The following CCBE1 variants were observed in gnomAD, a reference collection of about 807,000 sequenced individuals.
CCBE1 encodes collagen and calcium binding EGF domains 1, also known as collagen and calcium-binding EGF domain-containing protein 1.
In CCBE1, 37 loss-of-function variants were observed where a neutral mutation model predicts 50.0. The ratio of observed to expected loss-of-function variants is 0.74; its 90% CI spans 0.57 to 0.97. The LOEUF (loss-of-function observed/expected upper bound fraction) is 0.97, where lower values mean the gene tolerates loss of function less well. Ranked by LOEUF, CCBE1 falls within the 50% of genes least tolerant of loss-of-function variation. The pLI is 0.00. For synonymous variants in CCBE1, 234 were observed against 203.7 expected (o/e 1.15, Z -1.27); for missense variants, 538 against 523.8 (o/e 1.03, Z -0.26).
At chr18:59,480,721 G>A (rs1383739697) in intron 2 of CCBE1, among the ~76,000 whole-genome samples, 1 of 151,152 alleles carries the variant, frequency 6.6e-6, no homozygotes, top group Non-Finnish European at 1.5e-5. Context: ...GACCAAGACT[G>A]GAACCCAAGC....
At chr18:59,601,375 A>G (rs1350066792) in intron 2 of CCBE1, among the ~76,000 whole-genome samples, 2 of 151,964 alleles carry the variant, frequency 1.3e-5, no homozygotes, top group Non-Finnish European at 2.9e-5. Flanking sequence ...AAGTCTCACG[A>G]GATCTGATGG....
At chr18:59,518,711 TC>T (rs1170447188) in intron 2 of CCBE1, among the ~76,000 whole-genome samples, 1 of 152,104 alleles carries the variant, frequency 6.6e-6, no homozygotes, top group Non-Finnish European at 1.5e-5. Context: ...CCCACCCACA[TC>T]CCCTCTGTCC....
intron 2 of CCBE1, among the ~76,000 whole-genome samples, chr18:59,615,814 A>T (rs1002525717): frequency 1.3e-5 from 2 of 152,340 alleles, no homozygotes. Context: ...AGAACAGTGC[A>T]CATGGTAGGC....
At chr18:59,568,794 T>C (rs1190952584) in intron 2 of CCBE1, among the ~76,000 whole-genome samples, 2 of 152,226 alleles carry the variant, frequency 1.3e-5, no homozygotes, top group Non-Finnish European at 2.9e-5. Flanking sequence ...TGGACACCTC[T>C]GCCCATCTGT....
intron 2 of CCBE1, among the ~76,000 whole-genome samples, chr18:59,660,725 G>A (rs9947696): frequency 2.6e-4 from 14 of 54,392 alleles, no homozygotes; most frequent in Admixed American, 1.5e-3. Flanking sequence ...AGCCCAACAC[G>A]TATTTTTTTT....
At chr18:59,587,730 T>C (rs2053198017) in intron 2 of CCBE1, among the ~76,000 whole-genome samples, 1 of 152,036 alleles carries the variant, frequency 6.6e-6, no homozygotes, top group East Asian at 1.9e-4. Flanking sequence ...AAAAGAAATA[T>C]GAAAGAAAAA....
chr18:59,623,954 TC>T (rs2053745130), intron 2 of CCBE1, among the ~76,000 whole-genome samples: 1 of 152,156 alleles, frequency 6.6e-6, no homozygotes, highest in South Asian at 2.1e-4. Context: ...TTAATCATGT[TC>T]CCCGGTGCAA....
intron 2 of CCBE1, among the ~76,000 whole-genome samples, chr18:59,548,912 G>A (rs544700316): frequency 2.0e-5 from 3 of 152,054 alleles, no homozygotes; most frequent in African/African-American, 4.8e-5. Flanking sequence ...AGACCAGCCT[G>A]GCCAACATGG....
chr18:59,592,493 C>CA (rs1473440767), intron 2 of CCBE1, among the ~76,000 whole-genome samples: 1 of 151,790 alleles, frequency 6.6e-6, no homozygotes, highest in East Asian at 1.9e-4. Context: ...TTTGCATCTG[C>CA]AAAAAAAGAA....
intron 2 of CCBE1, among the ~76,000 whole-genome samples, chr18:59,552,207 C>A (rs914396241): frequency 6.6e-6 from 1 of 152,188 alleles, no homozygotes; most frequent in African/African-American, 2.4e-5. Flanking sequence ...AGGCCCTGGA[C>A]CTCACACAAC....
intron 2 of CCBE1, among the ~76,000 whole-genome samples, chr18:59,671,417 G>A (rs1008842132): frequency 2.6e-5 from 4 of 151,196 alleles, no homozygotes; most frequent in Admixed American, 2.6e-4. Flanking sequence ...AAGACTGCTT[G>A]ACCCCAGGAG....
chr18:59,585,799 G>T (rs2053171165), intron 2 of CCBE1, among the ~76,000 whole-genome samples: 1 of 152,028 alleles, frequency 6.6e-6, no homozygotes, highest in African/African-American at 2.4e-5. Flanking sequence ...ACACACATAG[G>T]CATTAATATC....
chr18:59,489,423 A>ATT (rs35019743), intron 2 of CCBE1, among the ~76,000 whole-genome samples: 7 of 151,470 alleles, frequency 4.6e-5, no homozygotes, highest in African/African-American at 1.5e-4. Context: ...TTATTTATTT[A>ATT]TTTTTTTTGA....
At chr18:59,653,321 G>A (rs1400639540) in intron 2 of CCBE1, among the ~76,000 whole-genome samples, 1 of 152,310 alleles carries the variant, frequency 6.6e-6, no homozygotes, top group Admixed American at 6.5e-5. Flanking sequence ...TTCAAGAAAG[G>A]AGACAGATAT....
chr18:59,692,148 A>G (rs968556631), intron 2 of CCBE1, among the ~76,000 whole-genome samples: 2 of 152,242 alleles, frequency 1.3e-5, no homozygotes, highest in African/African-American at 4.8e-5. Context: ...GATGAAGTTC[A>G]TACGACTCAC....
intron 4 of CCBE1, among the ~76,000 whole-genome samples, chr18:59,467,177 CACTT>C (rs1911791863): frequency 6.6e-6 from 1 of 152,318 alleles, no homozygotes; most frequent in African/African-American, 2.4e-5. Context: ...TCAGAGATCT[CACTT>C]ACAGAACAAT....
At chr18:59,668,780 T>TA (rs1020209701) in intron 2 of CCBE1, among the ~76,000 whole-genome samples, 2 of 151,712 alleles carry the variant, frequency 1.3e-5, no homozygotes, top group African/African-American at 4.8e-5. Context: ...GTAAGTGCGA[T>TA]ATGTCCAACA....
At chr18:59,548,350 G>T (rs1915788026) in intron 2 of CCBE1, among the ~76,000 whole-genome samples, 1 of 152,196 alleles carries the variant, frequency 6.6e-6, no homozygotes, top group East Asian at 1.9e-4. Flanking sequence ...ATTATTTAAA[G>T]ATAGTGAGTT....
chr18:59,448,999 G>A (rs1465982014), intron 6 of CCBE1, among the ~76,000 whole-genome samples: 5 of 152,172 alleles, frequency 3.3e-5, no homozygotes, highest in Non-Finnish European at 7.3e-5. Context: ...CAGTGAGTGA[G>A]GGAAATGTAT....
Sources: gnomAD v4.1 joint callset for allele counts (sites outside exome capture counted in the v4.1 genomes callset) on GRCh38, gnomAD v4.1.1 for gene constraint, MANE v1.5 for transcripts, NCBI Gene and HGNC (gene_info 2026-07-23, HGNC 2026-07-21) for gene names.